ACYP2: variants seen among roughly 807,000 people sequenced by gnomAD.
The protein encoded by ACYP2 is acylphosphatase-2.
A neutral mutation model predicts 11.2 loss-of-function variants in ACYP2; 12 were observed. That is an observed-to-expected ratio of 1.08 (90% CI 0.69 to 1.74). ACYP2 has a LOEUF of 1.74. Ranked by LOEUF, ACYP2 falls within the 40% of genes most tolerant of loss-of-function variation. The pLI, the probability that ACYP2 is intolerant of heterozygous loss-of-function variation, is 0.00. For synonymous variants in ACYP2, 43 were observed against 32.2 expected, an observed-to-expected ratio of 1.33 and a Z score of -1.13; for missense variants, 134 against 101.9, an observed-to-expected ratio of 1.31 and a Z score of -1.35.
At chr2:54,254,861 T>A (rs2104019793) in intron 6 of ACYP2, 1 of 1,546,076 alleles carries the variant, frequency 6.5e-7, no homozygotes, top group East Asian at 2.2e-5. Flanking sequence ...TTGCCCAAGC[T>A]CAGGTCCAGC....
chr2:54,160,500 AG>A (rs1284140791), intron 6 of ACYP2, among the ~76,000 whole-genome samples: 1 of 152,244 alleles, frequency 6.6e-6, no homozygotes, highest in East Asian at 1.9e-4. Context: ...AGCTCCTTAA[AG>A]GCAGGGATTG....
At chr2:54,217,858 A>C (rs1352201327) in intron 6 of ACYP2, among the ~76,000 whole-genome samples, 1 of 152,202 alleles carries the variant, frequency 6.6e-6, no homozygotes, top group African/African-American at 2.4e-5. Context: ...TGAGGGTTGA[A>C]AAAAGCTAGT....
At chr2:54,061,986 T>C (rs1676492812) in intron 4 of ACYP2, among the ~76,000 whole-genome samples, 1 of 152,246 alleles carries the variant, frequency 6.6e-6, no homozygotes, top group Non-Finnish European at 1.5e-5. Flanking sequence ...ATTTTATTAA[T>C]ATCTTACATA....
chr2:54,127,021 G>T (rs1165763783), intron 4 of ACYP2, among the ~76,000 whole-genome samples: 3 of 149,830 alleles, frequency 2.0e-5, no homozygotes, highest in Non-Finnish European at 3.0e-5. Context: ...CAGTTGCATG[G>T]AGGTAGTCCA....
intron 6 of ACYP2, among the ~76,000 whole-genome samples, chr2:54,202,849 TCAGA>T (rs1012996268): frequency 1.3e-5 from 2 of 149,874 alleles, no homozygotes; most frequent in African/African-American, 4.9e-5. Flanking sequence ...TGTGCCTGGC[TCAGA>T]CAGTCTTGAT....
chr2:54,095,140 C>T (rs1332012521), intron 4 of ACYP2, among the ~76,000 whole-genome samples: 2 of 151,406 alleles, frequency 1.3e-5, no homozygotes, highest in Non-Finnish European at 1.5e-5. Flanking sequence ...CATCTTGCAC[C>T]GCCCTTAATC....
intron 4 of ACYP2, among the ~76,000 whole-genome samples, chr2:54,096,805 C>A (rs926760797): frequency 1.5e-5 from 2 of 133,958 alleles, no homozygotes; most frequent in African/African-American, 5.1e-5. Context: ...CTTGGCTCGG[C>A]ATCAGAGGGA....
At chr2:54,205,142 C>T (rs749011095) in intron 6 of ACYP2, among the ~76,000 whole-genome samples, 40 of 152,220 alleles carry the variant, frequency 2.6e-4, no homozygotes, top group Non-Finnish European at 5.4e-4. Context: ...TAAATGTCTA[C>T]AAAGTTTCTT....
At chr2:54,168,138 G>C (rs998455209) in intron 6 of ACYP2, among the ~76,000 whole-genome samples, 7 of 152,018 alleles carry the variant, frequency 4.6e-5, no homozygotes, top group African/African-American at 1.4e-4. Flanking sequence ...AATCTGCTGT[G>C]TCCAGGCCAG....
chr2:54,081,092 T>C (rs2103665038), intron 4 of ACYP2, among the ~76,000 whole-genome samples: 1 of 152,318 alleles, frequency 6.6e-6, no homozygotes, highest in East Asian at 1.9e-4. Context: ...TTTGAGTTCA[T>C]CGTATTTTTA....
At chr2:54,153,459 G>GTTT (rs1682278693) in intron 6 of ACYP2, among the ~76,000 whole-genome samples, 1 of 100,796 alleles carries the variant, frequency 9.9e-6, no homozygotes, top group Non-Finnish European at 2.2e-5. Flanking sequence ...GGCTACTTAG[G>GTTT]GTTTTTTTTT....
chr2:54,281,897 T>C (rs1043939140), intron 6 of ACYP2, among the ~76,000 whole-genome samples: 11 of 152,178 alleles, frequency 7.2e-5, no homozygotes, highest in African/African-American at 2.7e-4. Context: ...CAGCTAATTA[T>C]TTTTTTAGAA....
intron 2 of ACYP2, among the ~76,000 whole-genome samples, chr2:53,988,837 C>T (rs1342106586): frequency 6.6e-6 from 1 of 152,092 alleles, no homozygotes; most frequent in Non-Finnish European, 1.5e-5. Context: ...CCTCTGCCTC[C>T]CGGGTTCATG....
chr2:54,229,169 A>G (rs984683155), intron 6 of ACYP2, among the ~76,000 whole-genome samples: 13 of 152,168 alleles, frequency 8.5e-5, no homozygotes, highest in African/African-American at 2.7e-4. Context: ...CTTTACTAAC[A>G]TTATTTCTCC....
At chr2:54,050,376 C>T (rs1324715268) in intron 2 of ACYP2, among the ~76,000 whole-genome samples, 4 of 151,600 alleles carry the variant, frequency 2.6e-5, no homozygotes, top group Non-Finnish European at 5.9e-5. Flanking sequence ...TAGGGAGACT[C>T]CCATCTCTAG....
At chr2:54,252,696 G>A (rs553898214) in intron 6 of ACYP2, among the ~76,000 whole-genome samples, 63 of 152,192 alleles carry the variant, frequency 4.1e-4, no homozygotes, top group African/African-American at 1.5e-3. Context: ...AAGGTCAGGA[G>A]ATTTGAGTCC....
intron 2 of ACYP2, among the ~76,000 whole-genome samples, chr2:54,018,937 G>A (rs1183209996): frequency 2.6e-5 from 4 of 151,916 alleles, no homozygotes; most frequent in Non-Finnish European, 5.9e-5. Flanking sequence ...TCGAAGAGAT[G>A]GGGTTTCACT....
intron 6 of ACYP2, among the ~76,000 whole-genome samples, chr2:54,243,152 A>G (rs1019112427): frequency 6.6e-6 from 1 of 152,144 alleles, no homozygotes; most frequent in Non-Finnish European, 1.5e-5. Flanking sequence ...TGTCATGTAG[A>G]TTGAAAATTT....
chr2:54,073,494 C>A (rs1677172053), intron 4 of ACYP2, among the ~76,000 whole-genome samples: 1 of 151,988 alleles, frequency 6.6e-6, no homozygotes, highest in Admixed American at 6.6e-5. Flanking sequence ...GGGTTTGACA[C>A]CAAAAACACA....
Sources: allele counts gnomAD v4.1 joint callset (sites outside exome capture counted in the v4.1 genomes callset), GRCh38; gene constraint gnomAD v4.1.1; transcripts MANE v1.5; gene names NCBI Gene and HGNC (gene_info 2026-07-23, HGNC 2026-07-21).